The following FAM81A variants were observed in gnomAD, a reference collection of about 807,000 sequenced individuals.
FAM81A encodes protein FAM81A.
FAM81A carries 19 observed loss-of-function variants against 46.7 expected under a neutral mutation model. That is an observed-to-expected ratio of 0.41 (90% CI 0.28 to 0.60). FAM81A has a LOEUF of 0.60. FAM81A is among the 20% of genes least tolerant of loss of function. The pLI is 0.34. For synonymous variants in FAM81A, 183 were observed against 152.9 expected (o/e 1.20, Z -1.45); for missense variants, 377 against 453.5 (o/e 0.83, Z 1.53).
chr15:59,509,302 A>T (rs764638394), intron 6 of FAM81A, among the ~76,000 whole-genome samples: 1 of 152,210 alleles, frequency 6.6e-6, no homozygotes, highest in South Asian at 2.1e-4. Context: ...AATCAATGAC[A>T]TAAATGAGCA....
At chr15:59,513,826 G>T (rs182360594) in intron 6 of FAM81A, among the ~76,000 whole-genome samples, 1 of 152,048 alleles carries the variant, frequency 6.6e-6, no homozygotes, top group African/African-American at 2.4e-5. Context: ...GGAATCAACC[G>T]AAATGTCCAT....
chr15:59,430,691 T>C (rs1015996914), intron 2 of FAM81A, among the ~76,000 whole-genome samples: 2 of 152,174 alleles, frequency 1.3e-5, no homozygotes, highest in African/African-American at 4.8e-5. Context: ...AGAGAGACCT[T>C]GGAATTTGTA....
intron 2 of FAM81A, among the ~76,000 whole-genome samples, chr15:59,411,653 C>G (rs745762976): frequency 1.2e-4 from 19 of 152,224 alleles, no homozygotes; most frequent in Non-Finnish European, 2.5e-4. Context: ...CAGTGGTTCA[C>G]TCCTGTAATC....
rs1376198515 is a variant in FAM81A at position 59,523,492 on chromosome 15, G to C, written c.*2114G>C. ...CTCACCAAAGCTCAAATGAGAATCAGCTTCCATGTTCTTTCCTTTACCAGA... is the reference window on the plus strand; with the variant it reads ...CTCACCAAAGCTCAAATGAGAATCACCTTCCATGTTCTTTCCTTTACCAGA... On this transcript the variant is annotated 3_prime_UTR_variant, in exon 9 of 9. Transcript: ENST00000288228. 3 of 152,198 alleles carry C rather than the reference G, an allele frequency of 2.0e-5. No homozygotes were observed. The highest frequency in any genetic ancestry group is 7.2e-5 in the African/African-American group (3 of 41,450). 9.4% of individuals were successfully genotyped at this position (152,198 alleles called of 1,614,324 possible). A position where few individuals can be genotyped will look rare whatever the true frequency, so the allele number is the denominator to read the frequency against.
intron 3 of FAM81A, among the ~76,000 whole-genome samples, chr15:59,463,188 T>C (rs536353838): frequency 1.4e-4 from 21 of 152,316 alleles, no homozygotes; most frequent in African/African-American, 3.4e-4. Context: ...TTTTTGTATA[T>C]GGTGTGAGGT....
chr15:59,517,171 G>C (rs1304418887), intron 8 of FAM81A, among the ~76,000 whole-genome samples: 1 of 152,200 alleles, frequency 6.6e-6, no homozygotes, highest in Non-Finnish European at 1.5e-5. Context: ...ACATATCTTT[G>C]AGGGGGTTTT....
At chr15:59,405,056 G>A (rs2081088201) in intron 2 of FAM81A, among the ~76,000 whole-genome samples, 1 of 152,146 alleles carries the variant, frequency 6.6e-6, no homozygotes, top group South Asian at 2.1e-4. Context: ...TTTCTTCCAA[G>A]CTTTGTTTCT....
At chr15:59,441,165 C>T (rs1277592067) in intron 1 of FAM81A, among the ~76,000 whole-genome samples, 1 of 152,226 alleles carries the variant, frequency 6.6e-6, no homozygotes, top group Non-Finnish European at 1.5e-5. Flanking sequence ...TTCCTTCCTT[C>T]TCACCTCTTT....
At chr15:59,474,283 C>G (rs2081737861) in intron 3 of FAM81A, among the ~76,000 whole-genome samples, 1 of 152,178 alleles carries the variant, frequency 6.6e-6, no homozygotes, top group South Asian at 2.1e-4. Context: ...GTTGCTATAA[C>G]AAAATACCTG....
At chr15:59,497,587 G>C (rs1006722151) in intron 4 of FAM81A, among the ~76,000 whole-genome samples, 1 of 152,194 alleles carries the variant, frequency 6.6e-6, no homozygotes, top group Non-Finnish European at 1.5e-5. Flanking sequence ...TGGGTTCAGT[G>C]TCTCATGCCT....
chr15:59,518,943 CTGTGTGTGTGTGTGTG>C (rs34494392), intron 8 of FAM81A, among the ~76,000 whole-genome samples: 1 of 143,060 alleles, frequency 7.0e-6, no homozygotes, highest in African/African-American at 2.6e-5. Flanking sequence ...GTGTGTGTGT[CTGTGTGTGTGTGTGTG>C]TGTGTGTGTG....
upstream of FAM81A, among the ~76,000 whole-genome samples, chr15:59,437,259 C>T (rs1460850258): frequency 1.3e-5 from 2 of 152,086 alleles, no homozygotes; most frequent in South Asian, 2.1e-4. Flanking sequence ...TGGAAGGGCT[C>T]AGGCTGGGGC....
chr15:59,455,685 G>C (rs2081474981), intron 1 of FAM81A, among the ~76,000 whole-genome samples: 1 of 152,152 alleles, frequency 6.6e-6, no homozygotes, highest in South Asian at 2.1e-4. Context: ...TCTTGTCATA[G>C]AGCTGCATAG....
chr15:59,513,044 T>A (rs576314223), intron 6 of FAM81A, among the ~76,000 whole-genome samples: 54 of 152,316 alleles, frequency 3.5e-4, no homozygotes, highest in African/African-American at 1.2e-3. Flanking sequence ...TGGGTGTTCA[T>A]GTTATCACTA....
At chr15:59,499,412 A>C (rs574496563) in intron 4 of FAM81A, among the ~76,000 whole-genome samples, 1 of 152,204 alleles carries the variant, frequency 6.6e-6, no homozygotes, top group South Asian at 2.1e-4. Context: ...ATTATTTTAA[A>C]CAATTGCTTT....
At chr15:59,499,962 C>T (rs1000227181) in intron 4 of FAM81A, among the ~76,000 whole-genome samples, 2 of 151,888 alleles carry the variant, frequency 1.3e-5, no homozygotes, top group Admixed American at 6.6e-5. Flanking sequence ...AAGCGAGTCT[C>T]ATGCCTCAGC....
chr15:59,472,011 A>G (rs1015273381), intron 3 of FAM81A, among the ~76,000 whole-genome samples: 25 of 152,118 alleles, frequency 1.6e-4, no homozygotes, highest in African/African-American at 5.6e-4. Context: ...TCCATTCCAG[A>G]TTTCTTTTGG....
intron 4 of FAM81A, among the ~76,000 whole-genome samples, chr15:59,501,450 A>ATGTGCCGGCT (rs2082089797): frequency 6.6e-6 from 1 of 152,154 alleles, no homozygotes; most frequent in South Asian, 2.1e-4. Flanking sequence ...ACTGCCAGCT[A>ATGTGCCGGCT]TAAAGGGCTT....
At chr15:59,511,389 T>C (rs2082206342) in intron 6 of FAM81A, among the ~76,000 whole-genome samples, 1 of 152,232 alleles carries the variant, frequency 6.6e-6, no homozygotes, top group Admixed American at 6.5e-5. Context: ...ATTTCCATTC[T>C]AAAAGAATAA....
Sources: allele counts gnomAD v4.1 joint callset (sites outside exome capture counted in the v4.1 genomes callset), GRCh38; gene constraint gnomAD v4.1.1; transcripts MANE v1.5; gene names NCBI Gene and HGNC (gene_info 2026-07-23, HGNC 2026-07-21).